The following RELN variants were observed in gnomAD, a reference collection of about 807,000 sequenced individuals.
RELN encodes the protein reelin.
A neutral mutation model predicts 427.6 loss-of-function variants in RELN; 108 were observed. The ratio of observed to expected loss-of-function variants is 0.25; its 90% CI spans 0.22 to 0.30. The LOEUF is 0.30. Among genes scored for constraint, RELN ranks in the 10% least tolerant of loss-of-function variants. RELN has a pLI of 1.00. For missense variants in RELN, 3,715 were observed against 4,302.8 expected (o/e 0.86, Z 3.82); for synonymous variants, 1,524 against 1,513.4 (o/e 1.01, Z -0.16).
At position 103,540,367 on chromosome 7, in the gene RELN, C is replaced by A. The variant is rs780883877; in HGVS notation, c.6760G>T (p.Gly2254Cys). The A allele has an allele frequency of 5.0e-6, 8 of 1,614,114 alleles. No homozygotes were observed. Among genetic ancestry groups the A allele is most frequent in the Non-Finnish European group, 6.8e-6 (8 of 1,180,032 alleles). Residue 2254 changes from glycine to cysteine, a missense_variant, in exon 44 of 65, where the codon GGT becomes TGT. This residue lies in a region of RELN where 1,310 missense variants were observed against 1,643.0 expected (regional missense o/e 0.80). Coordinates refer to ENST00000428762, the MANE Select transcript of RELN (RefSeq NM_005045.4). ...QPVLLQYSLN[G>C]GLSWSLLQEF... Reference sequence around the variant, plus strand: ...TGAAGAAGACTCCACGAGAGGCCACCGTTGAGAGAATACTGTAGGAGCACG... The same window carrying A: ...TGAAGAAGACTCCACGAGAGGCCACAGTTGAGAGAATACTGTAGGAGCACG...
intron 10 of RELN, among the ~76,000 whole-genome samples, chr7:103,683,536 A>G (rs1833697797): frequency 6.6e-6 from 1 of 152,148 alleles, no homozygotes; most frequent in East Asian, 1.9e-4. Flanking sequence ...GGAGCTGAAA[A>G]ATTTCTATCA....
intron 8 of RELN, among the ~76,000 whole-genome samples, chr7:103,717,724 T>C (rs1265166121): frequency 6.6e-6 from 1 of 152,036 alleles, no homozygotes; most frequent in African/African-American, 2.4e-5. Flanking sequence ...TCAGAAGAGG[T>C]GTTCACTATT....
chr7:103,902,431 G>C (rs536112557), intron 2 of RELN, among the ~76,000 whole-genome samples: 1 of 151,998 alleles, frequency 6.6e-6, no homozygotes, highest in South Asian at 2.1e-4. Context: ...ATTTACAAGA[G>C]TTCAAGTGGA....
intron 2 of RELN, 135 bp from the exon 3 acceptor site, chr7:103,833,807 A>G: frequency 1.2e-6 from 1 of 836,324 alleles, no homozygotes; most frequent in Admixed American, 2.0e-5. Context: ...AAGTTATGTA[A>G]TTTTTCACTT....
rs1791216439 is a variant in RELN, at chr7:103,758,412, A to G, written c.545-5198T>C. On this transcript the variant is annotated intron_variant, in intron 4 of 64. Transcript: ENST00000428762. ...CTAAAAAACAAGTAAAAGCAAGCCA[A>G]CAGAATGGAGGAATTAAGGTAGAAT... is the stretch of plus-strand genomic sequence containing the variant. 2.0e-5 allele frequency among the ~76,000 whole-genome samples: 3 copies of G among 152,258 alleles called. No homozygotes were observed. In the East Asian group the frequency reaches 5.8e-4, roughly 29 times the overall value.
intron 48 of RELN, among the ~76,000 whole-genome samples, chr7:103,520,957 A>ATTATT (rs1829688479): frequency 1.3e-5 from 1 of 79,186 alleles, no homozygotes; most frequent in African/African-American, 4.9e-5. Context: ...TAAATTTGTT[A>ATTATT]TTTTTTTTTT....
At chr7:103,805,794 G>A (rs1369163611) in intron 3 of RELN, among the ~76,000 whole-genome samples, 1 of 152,192 alleles carries the variant, frequency 6.6e-6, no homozygotes, top group Non-Finnish European at 1.5e-5. Flanking sequence ...TAAGGGACAT[G>A]CAGAATACAG....
chr7:103,594,608 A>G, intron 25 of RELN, 116 bp from the exon 26 acceptor site: 1 of 1,127,558 alleles, frequency 8.9e-7, no homozygotes, highest in Non-Finnish European at 1.3e-6. Context: ...TTTGATCTCA[A>G]TATTTTCCAA....
chr7:103,643,356 C>T (rs1012176882), intron 16 of RELN, among the ~76,000 whole-genome samples: 4 of 152,008 alleles, frequency 2.6e-5, no homozygotes, highest in African/African-American at 9.7e-5. Context: ...ATTAATCTAC[C>T]TGTAATTAAA....
intron 50 of RELN, among the ~76,000 whole-genome samples, chr7:103,511,467 T>C (rs1358284859): frequency 6.6e-6 from 1 of 152,200 alleles, no homozygotes; most frequent in Admixed American, 6.5e-5. Flanking sequence ...GGATAGGGAA[T>C]AGAGTTAACT....
At chr7:103,687,696 T>C (rs1336934200) in intron 10 of RELN, among the ~76,000 whole-genome samples, 1 of 152,172 alleles carries the variant, frequency 6.6e-6, no homozygotes, top group Non-Finnish European at 1.5e-5. Flanking sequence ...TCATTTGGAA[T>C]AAATTTCACC....
chr7:103,677,251 A>C, intron 11 of RELN, among the ~76,000 whole-genome samples: 1 of 136,662 alleles, frequency 7.3e-6, no homozygotes, highest in Non-Finnish European at 1.5e-5. Flanking sequence ...ATCATACACT[A>C]GGATCTGTGG....
chr7:103,483,873 C>T (rs886562576), intron 61 of RELN, 23 bp from the exon 62 acceptor site: 2 of 1,607,962 alleles, frequency 1.2e-6, no homozygotes, highest in African/African-American at 1.3e-5. Flanking sequence ...GGGAAATCAT[C>T]TTTATTTTTA....
chr7:103,758,656 A>G (rs1178298806), intron 4 of RELN, among the ~76,000 whole-genome samples: 1 of 150,658 alleles, frequency 6.6e-6, no homozygotes, highest in Non-Finnish European at 1.5e-5. Flanking sequence ...GTTAAATGAG[A>G]AAAAAATGAA....
At chr7:103,507,489 AC>A (rs1829254736) in intron 51 of RELN, among the ~76,000 whole-genome samples, 1 of 152,254 alleles carries the variant, frequency 6.6e-6, no homozygotes, top group Admixed American at 6.5e-5. Context: ...ACCAATGAGA[AC>A]AAAGACACAA....
At chr7:103,748,533 G>C (rs935168339) in intron 6 of RELN, among the ~76,000 whole-genome samples, 2 of 152,136 alleles carry the variant, frequency 1.3e-5, no homozygotes, top group African/African-American at 4.8e-5. Context: ...TGTGGTCTTA[G>C]TGTCTTCTCT....
At chr7:103,802,041 A>G (rs557436528) in intron 3 of RELN, among the ~76,000 whole-genome samples, 3 of 152,300 alleles carry the variant, frequency 2.0e-5, no homozygotes, top group South Asian at 2.1e-4. Context: ...GTGTCAGTAT[A>G]TATTTCTTGA....
At chr7:103,485,373 T>C (rs777906505) in intron 61 of RELN, among the ~76,000 whole-genome samples, 16 of 152,062 alleles carry the variant, frequency 1.1e-4, no homozygotes, top group Non-Finnish European at 2.2e-4. Context: ...ACAACACTAA[T>C]ATTATATTTT....
chr7:103,688,621 A>AT (rs541646209), intron 10 of RELN, among the ~76,000 whole-genome samples: 8 of 151,874 alleles, frequency 5.3e-5, no homozygotes, highest in Non-Finnish European at 1.0e-4. Flanking sequence ...GACAAATTAC[A>AT]TTTTTTTTCA....
Sources: allele counts gnomAD v4.1 joint callset (sites outside exome capture counted in the v4.1 genomes callset), GRCh38; gene constraint gnomAD v4.1.1; regional missense constraint gnomAD v4.1.1; transcripts MANE v1.5; gene names NCBI Gene and HGNC (gene_info 2026-07-23, HGNC 2026-07-21).